Variants in MYO6 observed in about 807,000 individuals in gnomAD.
MYO6 encodes the protein myosin VI, also known as unconventional myosin-VI.
MYO6 carries 74 observed loss-of-function variants against 178.7 expected under a neutral mutation model. That is an observed-to-expected ratio of 0.41 (90% confidence interval 0.34 to 0.50). The LOEUF is 0.50. Among genes scored for constraint, MYO6 ranks in the 20% least tolerant of loss-of-function variants. MYO6 has a pLI of 0.09. For synonymous variants in MYO6, 477 were observed against 504.6 expected, an observed-to-expected ratio of 0.95 and a Z score of 0.73; for missense variants, 1,330 against 1,547.4, an observed-to-expected ratio of 0.86 and a Z score of 2.36.
chr6:75,786,967 G>A (rs1767628983), intron 1 of MYO6, among the ~76,000 whole-genome samples: 1 of 152,204 alleles, frequency 6.6e-6, no homozygotes, highest in African/African-American at 2.4e-5. Context: ...GTCATTCATA[G>A]CAAAGATAAG....
intron 2 of MYO6, among the ~76,000 whole-genome samples, chr6:75,819,710 A>C (rs1203895893): frequency 6.6e-6 from 1 of 152,260 alleles, no homozygotes; most frequent in Non-Finnish European, 1.5e-5. Context: ...AAACATTCTT[A>C]GCACATGCTA....
intron 20 of MYO6, among the ~76,000 whole-genome samples, chr6:75,874,339 T>C (rs1284585066): frequency 6.6e-6 from 1 of 152,204 alleles, no homozygotes; most frequent in African/African-American, 2.4e-5. Context: ...ACCAGTTAAA[T>C]TCATCGTCAT....
Position 75,916,502 on chromosome 6 carries a change from T to G in MYO6, c.*1490T>G, listed in dbSNP as rs1781126143. ...TATTGAGAATGCAAATGTGATTATC[T>G]TTTGAAGGCTGTATTACTGCATAGC... On this transcript the variant is annotated 3_prime_UTR_variant, in exon 35 of 35. Coordinates refer to ENST00000369977, the MANE Select transcript of MYO6 (RefSeq NM_004999.4). The G allele has an allele frequency of 6.6e-6, 1 of 152,644 alleles. No individual in the cohort carries two copies. Among genetic ancestry groups the G allele is most frequent in the South Asian group, 2.1e-4 (1 of 4,834 alleles). 9.5% of individuals were successfully genotyped at this position (152,644 alleles called of 1,614,324 possible). A position where few individuals can be genotyped will look rare whatever the true frequency, so the allele number is the denominator to read the frequency against.
chr6:75,866,477 G>T (rs951066745), intron 16 of MYO6, 49 bp from the exon 17 acceptor site: 3 of 1,381,232 alleles, frequency 2.2e-6, no homozygotes, highest in Non-Finnish European at 3.1e-6. Flanking sequence ...GAATGATTAT[G>T]TAATATATTT....
intron 28 of MYO6, among the ~76,000 whole-genome samples, chr6:75,892,977 G>A (rs1228949847): frequency 4.6e-5 from 7 of 152,032 alleles, no homozygotes; most frequent in African/African-American, 1.7e-4. Context: ...TTGTTTAAGA[G>A]TATAGTATAT....
chr6:75,871,010 T>TA (rs1310947483), intron 19 of MYO6, among the ~76,000 whole-genome samples: 8 of 152,188 alleles, frequency 5.3e-5, no homozygotes, highest in Admixed American at 4.6e-4. Flanking sequence ...TTATTACTCT[T>TA]ACAGTAACAT....
Position 75,914,262 on chromosome 6 carries a change from A to G in MYO6, c.3639A>G (p.Pro1213=), listed in dbSNP as rs757801713. ...AAATGGAACTCCATCCTGACAAGCCACCCATCCTACTTGTGGCTGGTGTGT... is the reference window on the plus strand; with the variant it reads ...AAATGGAACTCCATCCTGACAAGCCGCCCATCCTACTTGTGGCTGGTGTGT... The part of the protein sequence containing the change: ...ARQMELHPDK[P]PILLVAGKDD... Residue 1213 remains proline (P), a synonymous_variant, in exon 34 of 35, where the codon CCA becomes CCG. Transcript: ENST00000369977. 6 of 1,614,248 alleles carry G rather than the reference A, an allele frequency of 3.7e-6. No individual in the cohort carries two copies. Among genetic ancestry groups the G allele is most frequent in the South Asian group, 1.1e-5 (1 of 91,092 alleles).
At chr6:75,799,689 T>G (rs1287635959) in intron 1 of MYO6, among the ~76,000 whole-genome samples, 16 of 152,014 alleles carry the variant, frequency 1.1e-4, no homozygotes, top group African/African-American at 3.6e-4. Flanking sequence ...TTTCAAGGAA[T>G]GAAATGAAAC....
At chr6:75,806,802 C>T (rs143588688) in intron 1 of MYO6, among the ~76,000 whole-genome samples, 1 of 152,348 alleles carries the variant, frequency 6.6e-6, no homozygotes, top group Non-Finnish European at 1.5e-5. Context: ...TCTGTAGAAA[C>T]AATGCTAATG....
At position 75,830,480 on chromosome 6, in the gene MYO6, C is replaced by T. The variant is rs2150212893; in HGVS notation, c.326C>T (p.Ser109Leu). The change falls in exon 5 of 35, where the codon TCA becomes TTA. Residue 109 changes from serine (S) to leucine (L), a missense_variant. Around this residue, in one of 3 missense-constraint regions of MYO6, gnomAD observed 613 missense variants for 816.8 expected, o/e 0.75. Coordinates refer to ENST00000369977, the MANE Select transcript of MYO6 (RefSeq NM_004999.4). Reference sequence around the variant, plus strand: ...TTTGACATACCTAAAATATATTCTTCAGAAGCAATAAAGTCATATCAAGGA... The same window carrying T: ...TTTGACATACCTAAAATATATTCTTTAGAAGCAATAAAGTCATATCAAGGA... ...PYFDIPKIYSSEAIKSYQGKS... is the reference protein window; with the variant it reads ...PYFDIPKIYSLEAIKSYQGKS... 6.2e-7 allele frequency: 1 copy of T among 1,611,918 alleles called. No individual in the cohort carries two copies. Among genetic ancestry groups the T allele is most frequent in the Non-Finnish European group, 8.5e-7 (1 of 1,178,204 alleles).
chr6:75,881,445 T>C (rs1166170661), intron 22 of MYO6, among the ~76,000 whole-genome samples: 3 of 134,230 alleles, frequency 2.2e-5, no homozygotes, highest in Non-Finnish European at 4.7e-5. Context: ...ACTTTTGTTA[T>C]TGAATATGCT....
At chr6:75,884,643 G>A (rs1037413300) in intron 23 of MYO6, among the ~76,000 whole-genome samples, 3 of 151,778 alleles carry the variant, frequency 2.0e-5, no homozygotes, top group African/African-American at 2.4e-5. Context: ...CTGAAAACTC[G>A]GAGATCTGAA....
intron 1 of MYO6, among the ~76,000 whole-genome samples, chr6:75,778,807 A>G (rs1487871598): frequency 6.6e-6 from 1 of 151,890 alleles, no homozygotes; most frequent in African/African-American, 2.4e-5. Context: ...CTGTAATCCC[A>G]GTATTTTGAG....
At chr6:75,864,896 T>G (rs1317861566) in intron 16 of MYO6, among the ~76,000 whole-genome samples, 1 of 152,196 alleles carries the variant, frequency 6.6e-6, no homozygotes, top group African/African-American at 2.4e-5. Flanking sequence ...ATGCTACAGA[T>G]GAGACATACA....
chr6:75,873,601 C>A (rs1777329080), intron 20 of MYO6, among the ~76,000 whole-genome samples: 1 of 152,044 alleles, frequency 6.6e-6, no homozygotes, highest in Non-Finnish European at 1.5e-5. Flanking sequence ...GCATAGATGG[C>A]AAATTATTTG....
intron 12 of MYO6, 138 bp from the exon 13 acceptor site, chr6:75,856,959 T>C: frequency 2.7e-6 from 2 of 729,772 alleles, no homozygotes; most frequent in Non-Finnish European, 4.6e-6. Flanking sequence ...TTAGCCCCAT[T>C]TATCTGTGCC....
intron 8 of MYO6, among the ~76,000 whole-genome samples, chr6:75,840,893 G>C (rs2150250858): frequency 6.6e-6 from 1 of 152,288 alleles, no homozygotes; most frequent in East Asian, 1.9e-4. Context: ...TCAGCATTGA[G>C]TATTACTGTA....
rs541518136 is a variant in MYO6 at position 75,837,882 on chromosome 6, G to T, written c.553+1926G>T. ...AAATTAATAAAAAAGAACAAATTATGGGCTACCTCAGTAAAAGACTAATTA... is the reference window on the plus strand; with the variant it reads ...AAATTAATAAAAAAGAACAAATTATTGGCTACCTCAGTAAAAGACTAATTA... On this transcript the variant is annotated intron_variant, in intron 7 of 34. Transcript: ENST00000369977. Among the ~76,000 whole-genome samples the T allele has an allele frequency of 2.2e-4, 33 of 151,942 alleles. 2 individuals carry two copies. In the South Asian group the frequency reaches 6.7e-3, roughly 31 times the overall value.
In MYO6 at chr6:75,862,505, G is replaced by A. The variant is rs988490749; in HGVS notation, c.1547-91G>A. 4 of 1,169,396 alleles carry A rather than the reference G, an allele frequency of 3.4e-6. No homozygotes were observed. In the Admixed American group the frequency reaches 5.8e-5, roughly 17 times the overall value. 72.4% of individuals were successfully genotyped at this position (1,169,396 alleles called of 1,614,324 possible). A position where few individuals can be genotyped will look rare whatever the true frequency, so the allele number is the denominator to read the frequency against. Reference sequence around the variant, plus strand: ...TCACATGCTATGTTGTTTCTGATCAGTCCTTGAAATCTGTGATTAGTGAAT... The same window carrying A: ...TCACATGCTATGTTGTTTCTGATCAATCCTTGAAATCTGTGATTAGTGAAT... On this transcript the variant is annotated intron_variant, in intron 15 of 34. Coordinates refer to ENST00000369977, the MANE Select transcript of MYO6 (RefSeq NM_004999.4).
Sources: gnomAD v4.1 joint callset for allele counts (sites outside exome capture counted in the v4.1 genomes callset) on GRCh38, gnomAD v4.1.1 for gene constraint, gnomAD v4.1.1 regional missense constraint, MANE v1.5 for transcripts, NCBI Gene and HGNC (gene_info 2026-07-23, HGNC 2026-07-21) for gene names.